SLC39A6: variants seen among roughly 807,000 people sequenced by gnomAD.
SLC39A6 encodes zinc transporter ZIP6.
In SLC39A6, 51 loss-of-function variants were observed where a neutral mutation model predicts 63.5. The observed-to-expected ratio is 0.80, with a 90% CI of 0.64 to 1.01. SLC39A6 has a LOEUF of 1.01. SLC39A6 is among the 50% of genes least tolerant of loss of function. The pLI, the probability that SLC39A6 is intolerant of heterozygous loss-of-function variation, is 0.00. For synonymous variants in SLC39A6, 318 were observed against 324.7 expected, an observed-to-expected ratio of 0.98 and a Z score of 0.22; for missense variants, 805 against 927.8, an observed-to-expected ratio of 0.87 and a Z score of 1.72.
At position 36,108,870 on chromosome 18, in the gene SLC39A6, C is replaced by G. The variant is rs189637232; in HGVS notation, c.*723G>C. On this transcript the variant is annotated 3_prime_UTR_variant, in exon 10 of 10. Coordinates refer to ENST00000269187, the MANE Select transcript of SLC39A6 (RefSeq NM_012319.4). ...TGTACTCATCTGGTATATACCCGCA[C>G]GAACATTTTGAAATTCCAATTTCTT... is the stretch of plus-strand genomic sequence containing the variant. 6.6e-6 allele frequency: 1 copy of G among 152,188 alleles called. No individual in the cohort carries two copies. The highest frequency in any genetic ancestry group is 1.9e-4 in the East Asian group (1 of 5,184). The allele number at this position is 152,188 out of a possible 1,614,324, so 9.4% of individuals were successfully genotyped here. A position where few individuals can be genotyped will look rare whatever the true frequency, so the allele number is the denominator to read the frequency against.
intron 7 of SLC39A6, among the ~76,000 whole-genome samples, chr18:36,113,247 A>G (rs1340148808): frequency 1.3e-5 from 2 of 151,626 alleles, no homozygotes; most frequent in Admixed American, 6.6e-5. Flanking sequence ...GGTGTGTACC[A>G]CCATACCTGG....
intron 7 of SLC39A6, among the ~76,000 whole-genome samples, chr18:36,113,336 C>T (rs915207270): frequency 4.0e-5 from 6 of 151,866 alleles, no homozygotes; most frequent in East Asian, 1.9e-4. Flanking sequence ...TGGGCTTAAG[C>T]GATCCTCCTG....
At position 36,114,357 on chromosome 18, in the gene SLC39A6, T is replaced by C. The variant is rs777274046; in HGVS notation, c.1583A>G (p.Tyr528Cys). 5 of 1,614,254 alleles carry C rather than the reference T, an allele frequency of 3.1e-6. No individual in the cohort carries two copies. Among genetic ancestry groups the C allele is most frequent in the South Asian group, 2.2e-5 (2 of 91,088 alleles). Residue 528 changes from tyrosine (Y) to cysteine (C), a missense_variant, in exon 7 of 10, where the codon TAC becomes TGC. Tyr to Cys is a radical substitution (Grantham distance 194). Coordinates refer to ENST00000269187, the MANE Select transcript of SLC39A6 (RefSeq NM_012319.4). ...GCACCCTCTGGGTACATATTCATTG[T>C]AGACTTCCTGTGGATGAGCATGAGC... is the stretch of plus-strand genomic sequence containing the variant. ...MIAHAHPQEVYNEYVPRGCKN... is the reference protein window; with the variant it reads ...MIAHAHPQEVCNEYVPRGCKN...
At chr18:36,127,850 G>A (rs970762412) in intron 1 of SLC39A6, among the ~76,000 whole-genome samples, 8 of 145,916 alleles carry the variant, frequency 5.5e-5, no homozygotes, top group Admixed American at 4.2e-4. Flanking sequence ...CTGGCCTCAA[G>A]AGATCCTCCA....
intron 5 of SLC39A6, 134 bp downstream of exon 5, chr18:36,121,918 G>A: frequency 1.6e-6 from 1 of 632,368 alleles, no homozygotes; most frequent in Non-Finnish European, 2.7e-6. Context: ...GGACCAAAAA[G>A]TACTTCAAGG....
In SLC39A6 at chr18:36,116,690, T is replaced by C; in HGVS notation, c.1449A>G (p.Lys483=). 1 of 1,609,730 alleles carries C rather than the reference T, an allele frequency of 6.2e-7. No homozygotes were observed. The highest frequency in any genetic ancestry group is 1.1e-5 in the South Asian group (1 of 90,878). Reference sequence around the variant, plus strand: ...AGAACTTACGATCATCTGTATCTACTTTCTCCTCATTTGTTGAAAGTTGAG... The same window carrying C: ...AGAACTTACGATCATCTGTATCTACCTTCTCCTCATTTGTTGAAAGTTGAG... ...YESQLSTNEE[K]VDTDDRTEGY... The change falls in exon 6 of 10, where the codon AAA becomes AAG. Residue 483 remains lysine, a synonymous_variant. Coordinates refer to ENST00000269187, the MANE Select transcript of SLC39A6 (RefSeq NM_012319.4).
At chr18:36,111,725 T>A (rs1789516) in intron 8 of SLC39A6, among the ~76,000 whole-genome samples, 45,627 of 152,128 alleles carry the variant, frequency 0.3, 7,266 homozygotes, top group Middle Eastern at 0.46. Flanking sequence ...CCTCAGGTGA[T>A]CCCCTTGCCC....
intron 6 of SLC39A6, among the ~76,000 whole-genome samples, chr18:36,114,800 TG>T (rs1327684670): frequency 2.6e-5 from 4 of 152,178 alleles, no homozygotes; most frequent in Non-Finnish European, 5.9e-5. Context: ...AGAACCTGCT[TG>T]TTTTAGAAAA....
chr18:36,116,717 T>C lies in SLC39A6; in HGVS notation c.1422A>G (p.Glu474=). ...VEIKKQLSKY[E]SQLSTNEEKV... ...TCTCCTCATTTGTTGAAAGTTGAGA[T>C]TCATACTTGGACAACTGCTTCTTAA... Residue 474 remains glutamate (E), a synonymous_variant, in exon 6 of 10, where the codon GAA becomes GAG. Coordinates refer to ENST00000269187, the MANE Select transcript of SLC39A6 (RefSeq NM_012319.4). The C allele has an allele frequency of 6.2e-7, 1 of 1,613,392 alleles. No individual in the cohort carries two copies. The highest frequency in any genetic ancestry group is 8.5e-7 in the Non-Finnish European group (1 of 1,179,616).
chr18:36,123,783 A>G (rs2089413347), intron 3 of SLC39A6, 119 bp from the exon 4 acceptor site: 1 of 968,772 alleles, frequency 1.0e-6, no homozygotes, highest in Non-Finnish European at 1.5e-6. Context: ...AAAACACACA[A>G]ATTCAATGCA....
Position 36,126,758 on chromosome 18 carries a change from T to C in SLC39A6, c.250A>G (p.Ile84Val). The C allele has an allele frequency of 6.2e-7, 1 of 1,614,212 alleles. No homozygotes were observed. ...GFRKLLQNIG[I>V]DKIKRIHIHH... ...ATATGGATTCTTTTAATCTTATCTA[T>C]GCCTATATTTTGAAGTAATTTTCTG... is the stretch of plus-strand genomic sequence containing the variant. Residue 84 changes from isoleucine (I) to valine (V), a missense_variant, in exon 2 of 10, where the codon ATA becomes GTA. Physicochemically the swap from Ile to Val is conservative, Grantham distance 29. Coordinates refer to ENST00000269187, the MANE Select transcript of SLC39A6 (RefSeq NM_012319.4).
intron 3 of SLC39A6, 97 bp downstream of exon 3, chr18:36,124,423 T>C (rs985382649): frequency 1.1e-5 from 8 of 721,108 alleles, no homozygotes; most frequent in African/African-American, 1.7e-5. Context: ...ATATTCAGAA[T>C]TGTACTGGAA....
Position 36,109,335 on chromosome 18 carries a change from T to C in SLC39A6, c.*258A>G. On this transcript the variant is annotated 3_prime_UTR_variant, in exon 10 of 10. Transcript: ENST00000269187. The stretch of plus-strand genomic sequence containing the variant: ...ATTTTTCCCTGAAACATACAGAACA[T>C]GTCATGCCAAATCTCTTGTTTACAT... The C allele has an allele frequency of 3.6e-6, 1 of 276,092 alleles. No homozygotes were observed. The highest frequency in any genetic ancestry group is 8.7e-5 in the South Asian group (1 of 11,560). The allele number at this position is 276,092 out of a possible 1,614,324, so 17.1% of individuals were successfully genotyped here.
rs569188660 is a variant in SLC39A6 at position 36,125,716 on chromosome 18, C to T, written c.789+503G>A. On this transcript the variant is annotated intron_variant, in intron 2 of 9. Coordinates refer to ENST00000269187, the MANE Select transcript of SLC39A6 (RefSeq NM_012319.4). Reference sequence around the variant, plus strand: ...TCAGAACCTCACTGTCCCAACTTTTCCCTTGTCCAGCATGACATTCATGGA... The same window carrying T: ...TCAGAACCTCACTGTCCCAACTTTTTCCTTGTCCAGCATGACATTCATGGA... Among the ~76,000 whole-genome samples, 3 of 152,244 alleles carry T rather than the reference C, an allele frequency of 2.0e-5. No individual in the cohort carries two copies. In the South Asian group the frequency reaches 6.2e-4, roughly 32 times the overall value.
chr18:36,111,479 C>A (rs2089299018), intron 8 of SLC39A6, among the ~76,000 whole-genome samples: 1 of 110,610 alleles, frequency 9.0e-6, no homozygotes, highest in Admixed American at 9.4e-5. Flanking sequence ...GATGTACAAA[C>A]TTTTTTTTTT....
chr18:36,125,464 C>G (rs1357342975), intron 2 of SLC39A6, among the ~76,000 whole-genome samples: 3 of 152,072 alleles, frequency 2.0e-5, no homozygotes, highest in South Asian at 4.1e-4. Context: ...CAACTCAGAG[C>G]AAACTTTATC....
Position 36,126,640 on chromosome 18 carries a change from T to G in SLC39A6, c.368A>C (p.His123Pro). 6.2e-7 allele frequency: 1 copy of G among 1,603,072 alleles called. No individual in the cohort carries two copies. The highest frequency in any genetic ancestry group is 8.5e-7 in the Non-Finnish European group (1 of 1,172,866). The change falls in exon 2 of 10, where the codon CAC becomes CCC. Residue 123 changes from histidine (H) to proline (P), a missense_variant. Physicochemically the swap from His to Pro is moderately conservative, Grantham distance 77 (BLOSUM62 -2). Transcript: ENST00000269187. ...GTGAGAGTGATGATCATGGTCAGAG[T>G]GATGCTCGTGCTCTGAGTGATGCTC... ...DHEHHSEHEH[H>P]SDHDHHSHHN... is the part of the protein sequence containing the mutation.
chr18:36,117,455 C>T (rs1598708130), intron 5 of SLC39A6, among the ~76,000 whole-genome samples: 2 of 152,170 alleles, frequency 1.3e-5, no homozygotes, highest in Non-Finnish European at 2.9e-5. Flanking sequence ...CCTCTATTAA[C>T]CCTGAATTCA....
Position 36,123,648 on chromosome 18 carries a change from A to G in SLC39A6, c.987T>C (p.Phe329=). The change falls in exon 4 of 10, where the codon TTT becomes TTC. Residue 329 remains phenylalanine, a synonymous_variant. Coordinates refer to ENST00000269187, the MANE Select transcript of SLC39A6 (RefSeq NM_012319.4). ...YSLQIAWVGG[F]IAISIISFLS... Reference sequence around the variant, plus strand: ...GGAAACTGATGATGGAAATGGCTATAAAACCACCAACCCAGGCTGTCAAAC... The same window carrying G: ...GGAAACTGATGATGGAAATGGCTATGAAACCACCAACCCAGGCTGTCAAAC... The G allele has an allele frequency of 1.2e-6, 2 of 1,607,642 alleles. No individual in the cohort carries two copies. The highest frequency in any genetic ancestry group is 1.7e-6 in the Non-Finnish European group (2 of 1,178,374).
Sources: allele counts gnomAD v4.1 joint callset (sites outside exome capture counted in the v4.1 genomes callset), GRCh38; gene constraint gnomAD v4.1.1; transcripts MANE v1.5; gene names NCBI Gene and HGNC (gene_info 2026-07-23, HGNC 2026-07-21).